The following LHX9 variants were observed in gnomAD, a reference collection of about 807,000 sequenced individuals.
The protein encoded by LHX9 is LIM/homeobox protein Lhx9.
LHX9 carries 9 observed loss-of-function variants against 36.5 expected under a neutral mutation model. That is an observed-to-expected ratio of 0.25 (90% CI 0.15 to 0.43). The LOEUF (loss-of-function observed/expected upper bound fraction) is 0.43, where lower values mean the gene tolerates loss of function less well. Among genes scored for constraint, LHX9 ranks in the 20% least tolerant of loss-of-function variants. The pLI, the probability that LHX9 is intolerant of heterozygous loss-of-function variation, is 1.00. For synonymous variants in LHX9, 211 were observed against 212.1 expected (o/e 0.99, Z 0.04); for missense variants, 464 against 526.4 (o/e 0.88, Z 1.16).
chr1:197,917,598 C>A lies in LHX9; in HGVS notation c.-226C>A. On this transcript the variant is annotated 5_prime_UTR_variant, in exon 1 of 5. Transcript: ENST00000367387. ...CTCCGCCCGAATTGTTTGTTTTCTG[C>A]ACATCTCCTTCAGGGAGCCGCTGAG... The A allele has an allele frequency of 6.6e-7, 1 of 1,508,616 alleles. No homozygotes were observed. Among genetic ancestry groups the A allele is most frequent in the Non-Finnish European group, 8.9e-7 (1 of 1,125,806 alleles). 93.5% of individuals were successfully genotyped at this position (1,508,616 alleles called of 1,614,324 possible). A position where few individuals can be genotyped will look rare whatever the true frequency, so the allele number is the denominator to read the frequency against.
In LHX9 at chr1:197,924,908, G is replaced by A. The variant is rs765265805; in HGVS notation, c.734-2683G>A. ...GAGTTATCATTTCATCTCATAATTC[G>A]GGGAGTGGGGGAATCCCCTACAGCT... On this transcript the variant is annotated intron_variant, in intron 3 of 4. Coordinates refer to ENST00000367387, the MANE Select transcript of LHX9 (RefSeq NM_020204.3). Among the ~76,000 whole-genome samples, 10 of 43,662 alleles carry A rather than the reference G, an allele frequency of 2.3e-4. 3 individuals carry two copies. In the South Asian group the frequency reaches 6.9e-3, roughly 30 times the overall value. The allele number at this position is 43,662 out of a possible 152,430, so 28.6% of individuals were successfully genotyped here.
intron 2 of LHX9, among the ~76,000 whole-genome samples, chr1:197,920,682 C>A (rs918542449): frequency 1.3e-5 from 2 of 152,166 alleles, no homozygotes; most frequent in African/African-American, 4.8e-5. Flanking sequence ...TTCCTTTTAT[C>A]GCTAGTTACA....
At chr1:197,919,941 T>C (rs773690588) in intron 1 of LHX9, 31 bp from the exon 2 acceptor site, 2 of 1,609,532 alleles carry the variant, frequency 1.2e-6, no homozygotes, top group African/African-American at 2.7e-5. Flanking sequence ...CCGCGCGCCC[T>C]CCTCAGCCTT....
At chr1:197,924,366 C>G (rs540838710) in intron 3 of LHX9, among the ~76,000 whole-genome samples, 18 of 152,292 alleles carry the variant, frequency 1.2e-4, no homozygotes, top group Non-Finnish European at 2.6e-4. Context: ...TTCAAAGAAT[C>G]TCAGAGAAGA....
At chr1:197,925,619 C>G (rs1218902366) in intron 3 of LHX9, among the ~76,000 whole-genome samples, 2 of 152,146 alleles carry the variant, frequency 1.3e-5, no homozygotes, top group Non-Finnish European at 2.9e-5. Flanking sequence ...CATAGAGATG[C>G]TGTTTCATCC....
At chr1:197,916,175 T>C (rs1659746633), upstream of LHX9, 2 of 153,626 alleles carry the variant, frequency 1.3e-5, no homozygotes, top group Admixed American at 6.5e-5. Flanking sequence ...CCTCTGGCCG[T>C]TTGAATGAAT....
At position 197,921,683 on chromosome 1, in the gene LHX9, G is replaced by C; in HGVS notation, c.733+24G>C. The C allele has an allele frequency of 6.5e-7, 1 of 1,526,768 alleles. No homozygotes were observed. Among genetic ancestry groups the C allele is most frequent in the Non-Finnish European group, 8.8e-7 (1 of 1,138,444 alleles). The allele number at this position is 1,526,768 out of a possible 1,614,324, so 94.6% of individuals were successfully genotyped here. A position where few individuals can be genotyped will look rare whatever the true frequency, so the allele number is the denominator to read the frequency against. ...AGGTGTGCCTCCTATCCTCACCCCCGGCGCAGCCCCGGCCTCCCTGAGGAA... is the reference window on the plus strand; with the variant it reads ...AGGTGTGCCTCCTATCCTCACCCCCCGCGCAGCCCCGGCCTCCCTGAGGAA... On this transcript the variant is annotated intron_variant, in intron 3 of 4. Coordinates refer to ENST00000367387, the MANE Select transcript of LHX9 (RefSeq NM_020204.3). This position sits in a 1 kb window ranked among gnomAD's most constrained non-coding sequence, Gnocchi z 4.6.
chr1:197,912,628 T>C, upstream of LHX9: 1 of 1,406,990 alleles, frequency 7.1e-7, no homozygotes, highest in Non-Finnish European at 1.0e-6. Context: ...CATGTGAGTG[T>C]GTGTGCGTGT....
Position 197,931,867 on chromosome 1 carries a change from T to C in LHX9, c.*2608T>C. ...AATCTAAATAGAAATTGCAGACCCC[T>C]AAAAGCCAAGTTGCTCTGTAGTTAA... On this transcript the variant is annotated 3_prime_UTR_variant, in exon 5 of 5. Coordinates refer to ENST00000367387, the MANE Select transcript of LHX9 (RefSeq NM_020204.3). The C allele has an allele frequency of 7.2e-7, 1 of 1,393,834 alleles. No homozygotes were observed. Among genetic ancestry groups the C allele is most frequent in the South Asian group, 1.3e-5 (1 of 79,166 alleles). The allele number at this position is 1,393,834 out of a possible 1,614,324, so 86.3% of individuals were successfully genotyped here. A position where few individuals can be genotyped will look rare whatever the true frequency, so the allele number is the denominator to read the frequency against.
Position 197,926,967 on chromosome 1 carries a change from TCTC to T in LHX9, c.734-618_734-616del, listed in dbSNP as rs143195316. Among the ~76,000 whole-genome samples the T allele has an allele frequency of 4.8e-3, 735 of 152,300 alleles. 13 individuals are homozygous for T. Among genetic ancestry groups the T allele is most frequent in the African/African-American group, 0.016 (662 of 41,554 alleles). ...ATTCACAAATTTTGAATTTCTAACT[TCTC>T]CTCCTTTTTCAGCCTTTTCTAACTT... On this transcript the variant is annotated intron_variant, in intron 3 of 4. Transcript: ENST00000367387.
chr1:197,918,184 A>C, intron 1 of LHX9, 187 bp downstream of exon 1: 1 of 705,608 alleles, frequency 1.4e-6, no homozygotes, highest in Non-Finnish European at 2.6e-6. Flanking sequence ...TTCTGAATCG[A>C]AATGTCTGCA....
At chr1:197,914,119 G>A (rs1659686105), upstream of LHX9, among the ~76,000 whole-genome samples, 1 of 152,208 alleles carries the variant, frequency 6.6e-6, no homozygotes, top group Non-Finnish European at 1.5e-5. Flanking sequence ...TTTCCTAAAA[G>A]CGGCAACAGT....
chr1:197,915,888 C>T (rs903643904), upstream of LHX9: 2 of 152,210 alleles, frequency 1.3e-5, no homozygotes, highest in African/African-American at 2.4e-5. Context: ...CCCTCTCTCC[C>T]TGGCTTTTCT....
upstream of LHX9, chr1:197,916,807 A>G (rs1292084978): frequency 4.3e-6 from 3 of 702,862 alleles, no homozygotes; most frequent in Middle Eastern, 2.3e-4. Context: ...ATTGAGGAAG[A>G]TGGGATGGGG....
At chr1:197,926,562 G>A (rs964924416) in intron 3 of LHX9, among the ~76,000 whole-genome samples, 5 of 152,174 alleles carry the variant, frequency 3.3e-5, no homozygotes, top group African/African-American at 1.2e-4. Flanking sequence ...ACATCCTGGG[G>A]ATAATGACTT....
At chr1:197,927,514 G>A in intron 3 of LHX9, 77 bp from the exon 4 acceptor site, 1 of 1,210,218 alleles carries the variant, frequency 8.3e-7, no homozygotes, top group South Asian at 1.2e-5. Context: ...CCATAGCAGT[G>A]TCATACAGCC....
intron 4 of LHX9, among the ~76,000 whole-genome samples, 191 bp from the exon 5 acceptor site, chr1:197,928,811 C>T (rs1660224708): frequency 9.6e-6 from 1 of 104,496 alleles, no homozygotes; most frequent in Non-Finnish European, 1.8e-5. Flanking sequence ...ACTTGAATAA[C>T]TCTGTTTTAA....
At position 197,932,699 on chromosome 1, in the gene LHX9, T is replaced by C. The variant is rs897639232; in HGVS notation, c.*3440T>C. 1 of 152,184 alleles carries C rather than the reference T, an allele frequency of 6.6e-6. No homozygotes were observed. The highest frequency in any genetic ancestry group is 2.4e-5 in the African/African-American group (1 of 41,554). The allele number at this position is 152,184 out of a possible 1,614,324, so 9.4% of individuals were successfully genotyped here. ...TACTAATGAAAAAATACAAACAGCA[T>C]AGTGAGATTAAATTCTGGTAATCTA... On this transcript the variant is annotated 3_prime_UTR_variant, in exon 5 of 5. Coordinates refer to ENST00000367387, the MANE Select transcript of LHX9 (RefSeq NM_020204.3).
rs1460404541 is a variant in LHX9 at position 197,931,531 on chromosome 1, AT to A, written c.*2273del. 1 of 163,740 alleles carries A rather than the reference AT, an allele frequency of 6.1e-6. No homozygotes were observed. Among genetic ancestry groups the A allele is most frequent in the Non-Finnish European group, 1.3e-5 (1 of 75,170 alleles). 10.1% of individuals were successfully genotyped at this position (163,740 alleles called of 1,614,324 possible). ...TTTAACCGTACTAGTGTGTTCCAGC[AT>A]CTATATGTAAAAGCTTTTCAAATGG... On this transcript the variant is annotated 3_prime_UTR_variant, in exon 5 of 5. Coordinates refer to ENST00000367387, the MANE Select transcript of LHX9 (RefSeq NM_020204.3).
Sources: gnomAD v4.1 joint callset for allele counts (sites outside exome capture counted in the v4.1 genomes callset) on GRCh38, gnomAD v4.1.1 for gene constraint, Gnocchi (gnomAD v3.1) non-coding constraint, MANE v1.5 for transcripts, NCBI Gene and HGNC (gene_info 2026-07-23, HGNC 2026-07-21) for gene names.